EBF1: variants seen among roughly 807,000 people sequenced by gnomAD.
The protein encoded by EBF1 is transcription factor COE1.
Under a neutral mutation model 68.4 loss-of-function variants are expected in EBF1, and 10 were observed. That is an observed-to-expected ratio of 0.15 (90% CI 0.09 to 0.25). The LOEUF is 0.25. EBF1 is among the 10% of genes least tolerant of loss of function. EBF1 has a pLI of 1.00. For missense variants in EBF1, 509 were observed against 794.4 expected, an observed-to-expected ratio of 0.64 and a Z score of 4.32; for synonymous variants, 298 against 299.8, an observed-to-expected ratio of 0.99 and a Z score of 0.06.
At chr5:158,827,273 C>T (rs945995580) in intron 7 of EBF1, among the ~76,000 whole-genome samples, 5 of 152,180 alleles carry the variant, frequency 3.3e-5, no homozygotes, top group Non-Finnish European at 1.5e-5. Flanking sequence ...TAAAAGGATA[C>T]AGAAAGTGTT....
intron 6 of EBF1, among the ~76,000 whole-genome samples, chr5:158,972,273 C>T (rs182036458): frequency 2.4e-3 from 359 of 152,308 alleles, no homozygotes; most frequent in Admixed American, 0.011. Context: ...CCTCAGCTGA[C>T]TTTATTTCAG....
chr5:158,779,582 A>G (rs567495901), intron 9 of EBF1, among the ~76,000 whole-genome samples: 2 of 152,298 alleles, frequency 1.3e-5, no homozygotes, highest in South Asian at 4.1e-4. Context: ...TAATTTTAAC[A>G]CGTACTTGGG....
intron 15 of EBF1, 149 bp from the exon 16 acceptor site, chr5:158,699,291 G>T (rs749102327): frequency 4.4e-6 from 3 of 679,010 alleles, no homozygotes; most frequent in South Asian, 2.6e-5. Flanking sequence ...TCTCTGGAAT[G>T]AATTTTCGTT....
intron 6 of EBF1, among the ~76,000 whole-genome samples, chr5:158,851,624 C>A (rs1362547551): frequency 3.4e-4 from 13 of 38,384 alleles, no homozygotes; most frequent in Non-Finnish European, 5.0e-4. Flanking sequence ...AAGGAAAGGG[C>A]AGGGAAGAAA....
intron 9 of EBF1, among the ~76,000 whole-genome samples, chr5:158,785,709 G>T (rs148191006): frequency 9.2e-5 from 14 of 152,330 alleles, no homozygotes; most frequent in African/African-American, 3.4e-4. Context: ...TAAACTTTAT[G>T]TATGAATGTC....
intron 8 of EBF1, among the ~76,000 whole-genome samples, chr5:158,811,193 A>G (rs945380388): frequency 8.5e-5 from 13 of 152,154 alleles, no homozygotes; most frequent in Non-Finnish European, 1.5e-4. Context: ...AGGACTTTTT[A>G]TCTTAACCCA....
At chr5:159,031,161 G>A (rs746204336) in intron 6 of EBF1, among the ~76,000 whole-genome samples, 1 of 151,874 alleles carries the variant, frequency 6.6e-6, no homozygotes, top group African/African-American at 2.4e-5. Context: ...GCTACAGAGC[G>A]AGACTTCGTC....
intron 6 of EBF1, among the ~76,000 whole-genome samples, chr5:159,070,322 G>T (rs1561941269): frequency 1.3e-5 from 2 of 152,132 alleles, no homozygotes; most frequent in African/African-American, 4.8e-5. Context: ...TTGACAAATT[G>T]TCATGATTGT....
At chr5:158,965,346 G>T (rs1252913654) in intron 6 of EBF1, among the ~76,000 whole-genome samples, 2 of 144,020 alleles carry the variant, frequency 1.4e-5, no homozygotes, top group Non-Finnish European at 3.1e-5. Flanking sequence ...TTAAAGAAAG[G>T]TTATTTGGGA....
At chr5:158,735,462 G>A (rs535215242) in intron 10 of EBF1, among the ~76,000 whole-genome samples, 2 of 152,306 alleles carry the variant, frequency 1.3e-5, no homozygotes, top group South Asian at 4.2e-4. Flanking sequence ...GTTGTGTACA[G>A]CTTATGGAGG....
In EBF1 at chr5:159,008,165, A is replaced by T. The variant is rs1367787591; in HGVS notation, c.554+65231T>A. Among the ~76,000 whole-genome samples, 4 of 152,366 alleles carry T rather than the reference A, an allele frequency of 2.6e-5. No individual in the cohort carries two copies. The East Asian group carries it at 5.8e-4, about 22-fold the overall frequency. ...ATTGAAACAAGTGGTACCAAAAAAAAGTAAAATAAAATGAGATCACTAGAA... is the reference window on the plus strand; with the variant it reads ...ATTGAAACAAGTGGTACCAAAAAAATGTAAAATAAAATGAGATCACTAGAA... On this transcript the variant is annotated intron_variant, in intron 6 of 15. Coordinates refer to ENST00000313708, the MANE Select transcript of EBF1 (RefSeq NM_024007.5).
chr5:158,774,647 G>A (rs1334420216), intron 10 of EBF1, among the ~76,000 whole-genome samples: 1 of 152,090 alleles, frequency 6.6e-6, no homozygotes, highest in African/African-American at 2.4e-5. Flanking sequence ...AATGATCTGA[G>A]CAGTTGTTTG....
intron 6 of EBF1, among the ~76,000 whole-genome samples, chr5:158,971,196 A>G (rs1755577166): frequency 6.6e-6 from 1 of 152,240 alleles, no homozygotes. Flanking sequence ...GCTTAACCTG[A>G]TTCTTGCAAG....
chr5:158,996,615 A>G (rs563898886), intron 6 of EBF1, among the ~76,000 whole-genome samples: 2 of 152,318 alleles, frequency 1.3e-5, no homozygotes, highest in African/African-American at 2.4e-5. Context: ...AGTGAGGCGA[A>G]TCTTAACACA....
chr5:159,033,453 A>G (rs1413129120), intron 6 of EBF1, among the ~76,000 whole-genome samples: 1 of 152,208 alleles, frequency 6.6e-6, no homozygotes, highest in Non-Finnish European at 1.5e-5. Context: ...ATTCCATTAA[A>G]CCTCAAAAAC....
At chr5:158,961,027 T>C (rs1326517534) in intron 6 of EBF1, among the ~76,000 whole-genome samples, 2 of 152,162 alleles carry the variant, frequency 1.3e-5, no homozygotes, top group Admixed American at 6.5e-5. Flanking sequence ...AGAAAATGAA[T>C]AGGCAATTCA....
At chr5:158,770,087 G>A (rs778494914) in intron 10 of EBF1, among the ~76,000 whole-genome samples, 1 of 151,976 alleles carries the variant, frequency 6.6e-6, no homozygotes, top group Non-Finnish European at 1.5e-5. Context: ...AGAATATTAC[G>A]CTATGCAAAA....
chr5:158,933,999 A>C (rs1811432948), intron 6 of EBF1, among the ~76,000 whole-genome samples: 1 of 152,200 alleles, frequency 6.6e-6, no homozygotes, highest in Admixed American at 6.5e-5. Context: ...CACAAAAACG[A>C]AACTTGCCCT....
At chr5:159,057,104 CTT>C (rs1205129627) in intron 6 of EBF1, among the ~76,000 whole-genome samples, 121 of 110,662 alleles carry the variant, frequency 1.1e-3, no homozygotes, top group Middle Eastern at 5.3e-3. Flanking sequence ...CTTTTCTTTT[CTT>C]TTTTTTTTTT....
Sources: allele counts gnomAD v4.1 joint callset (sites outside exome capture counted in the v4.1 genomes callset), GRCh38; gene constraint gnomAD v4.1.1; transcripts MANE v1.5; gene names NCBI Gene and HGNC (gene_info 2026-07-23, HGNC 2026-07-21).